Variants in IREB2 observed in about 807,000 individuals in gnomAD.
IREB2 encodes the protein iron-responsive element-binding protein 2.
Under a neutral mutation model 118.8 loss-of-function variants are expected in IREB2, and 39 were observed. The ratio of observed to expected loss-of-function variants is 0.33; its 90% CI spans 0.25 to 0.43. The LOEUF is 0.43. IREB2 is among the 20% of genes least tolerant of loss of function. IREB2 has a pLI of 1.00. For synonymous variants in IREB2, 372 were observed against 392.2 expected, an observed-to-expected ratio of 0.95 and a Z score of 0.61; for missense variants, 900 against 1,147.3, an observed-to-expected ratio of 0.78 and a Z score of 3.11.
At position 78,490,475 on chromosome 15, in the gene IREB2, A is replaced by T; in HGVS notation, c.2130A>T (p.Pro710=). ...SLEAPDSVLF[P]WDLKSTYIRC... is the part of the protein sequence containing the mutation. Reference sequence around the variant, plus strand: ...AAGCACCGGATTCAGTTTTGTTTCCATGGGACTTAAAGTCTACTTATATCA... The same window carrying T: ...AAGCACCGGATTCAGTTTTGTTTCCTTGGGACTTAAAGTCTACTTATATCA... The change falls in exon 17 of 22, where the codon CCA becomes CCT. Residue 710 remains proline, a synonymous_variant. Transcript: ENST00000258886. 1 of 1,609,728 alleles carries T rather than the reference A, an allele frequency of 6.2e-7. No individual in the cohort carries two copies.
At chr15:78,460,450 TATTTGATGTATTTTGGTGA>T (rs1489222543) in intron 2 of IREB2, among the ~76,000 whole-genome samples, 2 of 152,208 alleles carry the variant, frequency 1.3e-5, no homozygotes, top group East Asian at 3.8e-4. Context: ...GCTACTTATA[TATTTGATGTATTTTGGTGA>T]ATTATAGTTA....
In IREB2 at chr15:78,483,414, C is replaced by A; in HGVS notation, c.1393C>A (p.Gln465Lys). ...TGTGACAGATATGAAAAGCGATTTC[C>A]AGGCTTGCTTAAATGAAAAGGTAGG... ...VAVTDMKSDFQACLNEKVGFK... is the reference protein window; with the variant it reads ...VAVTDMKSDFKACLNEKVGFK... The change falls in exon 11 of 22, where the codon CAG (glutamine) becomes AAG (lysine). Residue 465 changes from glutamine to lysine, a missense_variant. Gln to Lys is a moderately conservative substitution (Grantham distance 53). Coordinates refer to ENST00000258886, the MANE Select transcript of IREB2 (RefSeq NM_004136.4). 1.3e-6 allele frequency: 2 copies of A among 1,593,646 alleles called. No homozygotes were observed. The highest frequency in any genetic ancestry group is 1.7e-6 in the Non-Finnish European group (2 of 1,161,418).
At position 78,450,420 on chromosome 15, in the gene IREB2, G is replaced by C. The variant is rs1198240539; in HGVS notation, c.106+10539G>C. Reference sequence around the variant, plus strand: ...AAGAGGTTCAGAACTCACTGGAATAGGTGTGGGTTGGCCCACAGATAACAG... The same window carrying C: ...AAGAGGTTCAGAACTCACTGGAATACGTGTGGGTTGGCCCACAGATAACAG... On this transcript the variant is annotated intron_variant, in intron 2 of 21. Transcript: ENST00000258886. Among the ~76,000 whole-genome samples the C allele has an allele frequency of 2.0e-5, 3 of 152,366 alleles. No individual in the cohort carries two copies. The East Asian group carries it at 5.8e-4, about 29-fold the overall frequency.
rs536699707 is a variant in IREB2, at chr15:78,489,327, A to AACAAACCT, written c.2076+557_2076+564dup. ...CACCATGGCACACATTTACCTATGT[A>AACAAACCT]ACAAACCTGCACATCCCGCATATGT... On this transcript the variant is annotated intron_variant, in intron 16 of 21. Coordinates refer to ENST00000258886, the MANE Select transcript of IREB2 (RefSeq NM_004136.4). 1.1e-4 allele frequency among the ~76,000 whole-genome samples: 17 copies of AACAAACCT among 152,282 alleles called. No homozygotes were observed. In the South Asian group the frequency reaches 3.3e-3, roughly 30 times the overall value.
At chr15:78,468,568 A>T (rs182977417) in intron 5 of IREB2, among the ~76,000 whole-genome samples, 5 of 152,070 alleles carry the variant, frequency 3.3e-5, no homozygotes, top group African/African-American at 1.2e-4. Flanking sequence ...TTTAGTAAAA[A>T]ATTACTTGCA....
chr15:78,437,985 A>C (rs953837635), upstream of IREB2, among the ~76,000 whole-genome samples: 23 of 152,364 alleles, frequency 1.5e-4, 1 homozygote, highest in African/African-American at 5.5e-4. Flanking sequence ...GCAACTAAGT[A>C]ACGGATCGCT....
rs1006050421 is a variant in IREB2 at position 78,438,220 on chromosome 15, C to G, written c.-118C>G. On this transcript the variant is annotated 5_prime_UTR_variant, in exon 1 of 22. Coordinates refer to ENST00000258886, the MANE Select transcript of IREB2 (RefSeq NM_004136.4). Reference sequence around the variant, plus strand: ...CTGCTCTCGCGATATTTGCGCGAGCCTGCTTCCTTCTTTCCTCCCTTGCCA... The same window carrying G: ...CTGCTCTCGCGATATTTGCGCGAGCGTGCTTCCTTCTTTCCTCCCTTGCCA... The G allele has an allele frequency of 3.8e-6, 3 of 798,806 alleles. No individual in the cohort carries two copies. The highest frequency in any genetic ancestry group is 6.4e-6 in the Non-Finnish European group (3 of 466,370). 49.5% of individuals were successfully genotyped at this position (798,806 alleles called of 1,614,324 possible). A position where few individuals can be genotyped will look rare whatever the true frequency, so the allele number is the denominator to read the frequency against.
chr15:78,469,816 T>A (rs1000320418), intron 5 of IREB2, among the ~76,000 whole-genome samples: 1 of 152,174 alleles, frequency 6.6e-6, no homozygotes. Flanking sequence ...TATATTGATA[T>A]TCTAGTCAAC....
chr15:78,492,330 G>C (rs2051764151), intron 18 of IREB2, among the ~76,000 whole-genome samples: 1 of 133,688 alleles, frequency 7.5e-6, no homozygotes, highest in African/African-American at 2.8e-5. Context: ...ATTGATTCCA[G>C]ATCTGGGACT....
chr15:78,456,728 C>A (rs2051112132), intron 2 of IREB2, among the ~76,000 whole-genome samples: 1 of 151,384 alleles, frequency 6.6e-6, no homozygotes, highest in African/African-American at 2.4e-5. Context: ...TTGATAATTG[C>A]TTTTTAATTT....
chr15:78,491,320 G>A (rs1420093172), intron 18 of IREB2, among the ~76,000 whole-genome samples: 1 of 152,036 alleles, frequency 6.6e-6, no homozygotes, highest in African/African-American at 2.4e-5. Flanking sequence ...ATTTCTACAT[G>A]ATTAATCATG....
rs751455382 is a variant in IREB2, at chr15:78,490,620, C to T, written c.2183C>T (p.Thr728Ile). 1 of 1,613,920 alleles carries T rather than the reference C, an allele frequency of 6.2e-7. No individual in the cohort carries two copies. The highest frequency in any genetic ancestry group is 8.5e-7 in the Non-Finnish European group (1 of 1,179,916). ...ATGCCTTGAACTTTTACCTTCTAGA[C>T]CAAAGAGCCAATTGCACTCCAGGCT... Reference protein sequence around the residue: ...IRCPSFFDKLTKEPIALQAIE... With the variant: ...IRCPSFFDKLIKEPIALQAIE... The change falls in exon 18 of 22, where the codon ACC becomes ATC. Residue 728 changes from threonine (T) to isoleucine (I), a missense_variant and splice_region_variant. Coordinates refer to ENST00000258886, the MANE Select transcript of IREB2 (RefSeq NM_004136.4).
chr15:78,475,555 T>C (rs1451029732), intron 8 of IREB2: 3 of 152,144 alleles, frequency 2.0e-5, no homozygotes, highest in Non-Finnish European at 2.9e-5. Context: ...CACTGTTTTA[T>C]GCACTGCTAA....
chr15:78,439,315 C>A (rs569050321), intron 1 of IREB2, among the ~76,000 whole-genome samples: 1 of 151,878 alleles, frequency 6.6e-6, no homozygotes, highest in East Asian at 1.9e-4. Flanking sequence ...CTGTAAAAAT[C>A]CGTCTTTTAG....
At chr15:78,478,199 G>A (rs542579639) in intron 9 of IREB2, 98 bp from the exon 10 acceptor site, 10 of 759,502 alleles carry the variant, frequency 1.3e-5, no homozygotes, top group African/African-American at 8.7e-5. Flanking sequence ...GCAGCACTGC[G>A]CTCCAGCCTG....
At position 78,438,265 on chromosome 15, in the gene IREB2, C is replaced by CGTCTTCCCTGCCCG; in HGVS notation, c.-71_-58dup. ...TTGCCAGTCCGCCTGTCTTCCTCCC[C>CGTCTTCCCTGCCCG]GTCTTCCCTGCCCGGCCTCCCCCTT... On this transcript the variant is annotated 5_prime_UTR_variant, in exon 1 of 22. Coordinates refer to ENST00000258886, the MANE Select transcript of IREB2 (RefSeq NM_004136.4). The CGTCTTCCCTGCCCG allele has an allele frequency of 8.4e-7, 1 of 1,195,948 alleles. No homozygotes were observed. 74.1% of individuals were successfully genotyped at this position (1,195,948 alleles called of 1,614,324 possible).
intron 5 of IREB2, among the ~76,000 whole-genome samples, chr15:78,467,208 C>A (rs374162984): frequency 0.025 from 2,435 of 98,744 alleles, no homozygotes; most frequent in Middle Eastern, 0.04. Context: ...GAGACTGTCG[C>A]AAAAAAAAAA....
chr15:78,481,262 G>A (rs1217248799), intron 10 of IREB2, among the ~76,000 whole-genome samples: 1 of 152,030 alleles, frequency 6.6e-6, no homozygotes, highest in Non-Finnish European at 1.5e-5. Context: ...GAGTGCAGTG[G>A]CGTGATCACG....
chr15:78,491,157 A>G (rs576228258), intron 18 of IREB2, among the ~76,000 whole-genome samples: 1 of 152,166 alleles, frequency 6.6e-6, no homozygotes, highest in Non-Finnish European at 1.5e-5. Flanking sequence ...TGTGTATTTT[A>G]TGGGCTATAA....
Sources: allele counts gnomAD v4.1 joint callset (sites outside exome capture counted in the v4.1 genomes callset), GRCh38; gene constraint gnomAD v4.1.1; transcripts MANE v1.5; gene names NCBI Gene and HGNC (gene_info 2026-07-23, HGNC 2026-07-21).